VPS13B: variants seen among roughly 807,000 people sequenced by gnomAD.
VPS13B encodes intermembrane lipid transfer protein VPS13B.
A neutral mutation model predicts 426.4 loss-of-function variants in VPS13B; 285 were observed. The observed-to-expected ratio is 0.67, with a 90% CI of 0.61 to 0.74. The LOEUF is 0.74. VPS13B is among the 30% of genes least tolerant of loss of function. The probability of loss-of-function intolerance (pLI) is 0.00; values close to 1 mark genes in which losing one functional copy is unlikely to be tolerated. For synonymous variants in VPS13B, 1,676 were observed against 1,676.4 expected (o/e 1.00, Z 0.01); for missense variants, 4,537 against 4,782.6 (o/e 0.95, Z 1.51).
intron 19 of VPS13B, among the ~76,000 whole-genome samples, chr8:99,376,634 A>T (rs537730201): frequency 2.0e-5 from 3 of 152,292 alleles, no homozygotes; most frequent in Admixed American, 2.0e-4. Flanking sequence ...TACCAATCAC[A>T]TGTTGAGAAT....
intron 28 of VPS13B, among the ~76,000 whole-genome samples, chr8:99,508,524 G>A (rs757020731): frequency 2.6e-5 from 4 of 152,056 alleles, no homozygotes; most frequent in African/African-American, 9.7e-5. Context: ...CATAGCAAGT[G>A]TTATGTTCTG....
intron 14 of VPS13B, among the ~76,000 whole-genome samples, chr8:99,153,557 C>T (rs1337774326): frequency 6.6e-6 from 1 of 152,152 alleles, no homozygotes; most frequent in African/African-American, 2.4e-5. Context: ...TACCACTTTA[C>T]AGGTAGTCAG....
At chr8:99,204,124 G>C (rs941509724) in intron 17 of VPS13B, among the ~76,000 whole-genome samples, 1 of 152,186 alleles carries the variant, frequency 6.6e-6, no homozygotes, top group African/African-American at 2.4e-5. Flanking sequence ...CAAGGTTACT[G>C]TAACCAAAAC....
At chr8:99,656,385 T>A (rs1000821611) in intron 34 of VPS13B, among the ~76,000 whole-genome samples, 3 of 152,192 alleles carry the variant, frequency 2.0e-5, no homozygotes, top group Non-Finnish European at 1.5e-5. Context: ...TTTATTATTT[T>A]TGAGAGATTC....
chr8:99,789,763 C>CTATCA lies in VPS13B; in HGVS notation c.7941+5301_7941+5305dup, dbSNP rs1347957773. Among the ~76,000 whole-genome samples the CTATCA allele has an allele frequency of 4.6e-5, 7 of 152,074 alleles. No homozygotes were observed. The East Asian group carries it at 7.7e-4, about 17-fold the overall frequency. On this transcript the variant is annotated intron_variant, in intron 43 of 61. Coordinates refer to ENST00000357162, the MANE Select transcript of VPS13B (RefSeq NM_152564.5). ...TTACATGGAATGGAGGAAGTCCTAC[C>CTATCA]TATCATATCATATCATATAAGTCAG...
intron 41 of VPS13B, 104 bp from the exon 42 acceptor site, chr8:99,778,578 T>A: frequency 9.6e-7 from 1 of 1,038,304 alleles, no homozygotes; most frequent in South Asian, 1.3e-5. Context: ...AAAAACTAAT[T>A]TCAATAATCA....
intron 33 of VPS13B, among the ~76,000 whole-genome samples, chr8:99,586,325 T>C (rs1826298960): frequency 6.6e-6 from 1 of 152,186 alleles, no homozygotes; most frequent in Admixed American, 6.5e-5. Context: ...CTCAGAGCTG[T>C]TCATTTATTT....
intron 23 of VPS13B, among the ~76,000 whole-genome samples, chr8:99,459,183 G>A (rs757582069): frequency 1.3e-5 from 2 of 152,094 alleles, no homozygotes; most frequent in East Asian, 1.9e-4. Flanking sequence ...GCACTTGAAC[G>A]TGTATTCTGC....
chr8:99,716,095 A>G (rs1480469991), intron 36 of VPS13B, among the ~76,000 whole-genome samples: 1 of 152,172 alleles, frequency 6.6e-6, no homozygotes, highest in Non-Finnish European at 1.5e-5. Context: ...ATTTTAAGAA[A>G]TTGATTTCCA....
chr8:99,818,037 T>G (rs898918869), intron 45 of VPS13B, among the ~76,000 whole-genome samples: 96 of 152,142 alleles, frequency 6.3e-4, no homozygotes, highest in African/African-American at 2.2e-3. Context: ...GCAAGTGATA[T>G]CTTGAAAAAG....
chr8:99,723,938 C>T (rs1190719444), intron 39 of VPS13B, among the ~76,000 whole-genome samples: 1 of 152,130 alleles, frequency 6.6e-6, no homozygotes, highest in Non-Finnish European at 1.5e-5. Flanking sequence ...GATCGAGGAA[C>T]AGATCAAGAC....
chr8:99,141,814 G>A (rs1353213856), intron 12 of VPS13B, among the ~76,000 whole-genome samples: 1 of 151,514 alleles, frequency 6.6e-6, no homozygotes, highest in Non-Finnish European at 1.5e-5. Flanking sequence ...GGAGGCCGAG[G>A]TGGGCGGATC....
intron 21 of VPS13B, among the ~76,000 whole-genome samples, chr8:99,404,863 A>G (rs992772527): frequency 1.1e-4 from 16 of 152,212 alleles, no homozygotes; most frequent in Admixed American, 5.9e-4. Context: ...TACCTCAAGT[A>G]AAGTAAGATA....
In VPS13B at chr8:99,642,497, A is replaced by G; in HGVS notation, c.5907A>G (p.Ile1969Met). 1 of 1,611,282 alleles carries G rather than the reference A, an allele frequency of 6.2e-7. No individual in the cohort carries two copies. The highest frequency in any genetic ancestry group is 8.5e-7 in the Non-Finnish European group (1 of 1,179,110). The change falls in exon 34 of 62, where the codon ATA becomes ATG. Residue 1969 changes from isoleucine (I) to methionine (M), a missense_variant and splice_region_variant. Around this residue, in one of 2 missense-constraint regions of VPS13B, gnomAD observed 4,311 missense variants for 4,474.3 expected, o/e 0.96. Coordinates refer to ENST00000357162, the MANE Select transcript of VPS13B (RefSeq NM_152564.5). ...GGGTGGCCTCTGATTACAAATGTAT[A>G]GGTAAGAACCTTCAAACTTACTGGA... is the stretch of plus-strand genomic sequence containing the variant. Reference protein sequence around the residue: ...LKGVASDYKCIDPGKTLPEAL... With the variant: ...LKGVASDYKCMDPGKTLPEAL...
intron 15 of VPS13B, among the ~76,000 whole-genome samples, chr8:99,168,389 C>G (rs1011256673): frequency 6.6e-6 from 1 of 152,074 alleles, no homozygotes; most frequent in Non-Finnish European, 1.5e-5. Flanking sequence ...TGTGATTATA[C>G]TGTTGGGGCA....
intron 3 of VPS13B, among the ~76,000 whole-genome samples, chr8:99,082,448 C>A (rs887370869): frequency 6.6e-6 from 1 of 152,182 alleles, no homozygotes; most frequent in African/African-American, 2.4e-5. Flanking sequence ...TTTTGCTGTG[C>A]AGAAGCTCTT....
intron 30 of VPS13B, among the ~76,000 whole-genome samples, chr8:99,552,227 T>G (rs1454200014): frequency 2.0e-5 from 3 of 152,038 alleles, no homozygotes. Context: ...ACTTTGAAGA[T>G]GCTTTTTTAC....
rs935793793 is a variant in VPS13B at position 99,066,194 on chromosome 8, T to C, written c.291+27628T>C. Among the ~76,000 whole-genome samples the C allele has an allele frequency of 5.9e-5, 9 of 152,158 alleles. No homozygotes were observed. The East Asian group carries it at 1.7e-3, about 29-fold the overall frequency. On this transcript the variant is annotated intron_variant, in intron 3 of 61. Transcript: ENST00000357162. ...ACCAAAAAAGAGCCTGCATAGGCAATACAATCCTAAGCCAAAAGAACAAAG... is the reference window on the plus strand; with the variant it reads ...ACCAAAAAAGAGCCTGCATAGGCAACACAATCCTAAGCCAAAAGAACAAAG...
intron 3 of VPS13B, among the ~76,000 whole-genome samples, chr8:99,071,989 C>T (rs139669179): frequency 3.3e-5 from 5 of 152,248 alleles, no homozygotes; most frequent in African/African-American, 1.2e-4. Flanking sequence ...CCCTCTGGCC[C>T]AGGACAGACC....
Sources: allele counts gnomAD v4.1 joint callset (sites outside exome capture counted in the v4.1 genomes callset), GRCh38; gene constraint gnomAD v4.1.1; regional missense constraint gnomAD v4.1.1; transcripts MANE v1.5; gene names NCBI Gene and HGNC (gene_info 2026-07-23, HGNC 2026-07-21).